Variants in ADAMTSL1 observed in about 807,000 individuals in gnomAD.
The protein encoded by ADAMTSL1 is ADAMTS like 1.
A neutral mutation model predicts 201.8 loss-of-function variants in ADAMTSL1; 126 were observed. The observed-to-expected ratio is 0.62, with a 90% CI of 0.54 to 0.72. The LOEUF is 0.72. ADAMTSL1 is among the 30% of genes least tolerant of loss of function. ADAMTSL1 has a pLI of 0.00. For synonymous variants in ADAMTSL1, 1,121 were observed against 903.4 expected, an observed-to-expected ratio of 1.24 and a Z score of -4.32; for missense variants, 2,679 against 2,277.8, an observed-to-expected ratio of 1.18 and a Z score of -3.59.
chr9:18,027,591 C>G (rs185144590), intron 1 of ADAMTSL1, among the ~76,000 whole-genome samples: 1 of 151,798 alleles, frequency 6.6e-6, no homozygotes, highest in Admixed American at 6.6e-5. Flanking sequence ...CTTGGTATGA[C>G]TTAAATTTTA....
chr9:18,314,744 G>A (rs1277711466), intron 2 of ADAMTSL1, among the ~76,000 whole-genome samples: 5 of 144,908 alleles, frequency 3.5e-5, no homozygotes, highest in Non-Finnish European at 6.0e-5. Flanking sequence ...CGTGGAAGGG[G>A]ACCCCAGTGG....
At chr9:18,266,736 A>T (rs1461794299) in intron 2 of ADAMTSL1, among the ~76,000 whole-genome samples, 1 of 152,042 alleles carries the variant, frequency 6.6e-6, no homozygotes, top group Non-Finnish European at 1.5e-5. Context: ...ATTGGACAAG[A>T]CTCAGTAAAC....
chr9:18,374,923 G>T (rs1027891050), intron 2 of ADAMTSL1, among the ~76,000 whole-genome samples: 1 of 152,216 alleles, frequency 6.6e-6, no homozygotes. Context: ...GCTGACAATG[G>T]TTAATAATAG....
intron 1 of ADAMTSL1, among the ~76,000 whole-genome samples, chr9:18,491,959 A>G (rs1208367427): frequency 6.6e-6 from 1 of 152,208 alleles, no homozygotes; most frequent in Non-Finnish European, 1.5e-5. Context: ...TAAAGAAAAA[A>G]TTGTAGGCTA....
chr9:18,908,550 G>GAT lies in ADAMTSL1; in HGVS notation c.*4_*5dup, dbSNP rs1244518367. The GAT allele has an allele frequency of 8.3e-6, 13 of 1,557,180 alleles. No individual in the cohort carries two copies. Among genetic ancestry groups the GAT allele is most frequent in the Non-Finnish European group, 1.1e-5 (13 of 1,150,208 alleles). ...TGTGGAACTTGTGGCAAAGCGTGAA[G>GAT]ATAGGGTGTGGGGAAAAACTCTACC... On this transcript the variant is annotated 3_prime_UTR_variant, in exon 29 of 29. Transcript: ENST00000380548.
At chr9:18,595,738 A>G (rs1587668771) in intron 4 of ADAMTSL1, among the ~76,000 whole-genome samples, 1 of 152,364 alleles carries the variant, frequency 6.6e-6, no homozygotes, top group Non-Finnish European at 1.5e-5. Flanking sequence ...AGTAGTGTAC[A>G]CAGTTCTTTC....
intron 8 of ADAMTSL1, 35 bp downstream of exon 8, chr9:18,657,785 T>A: frequency 1.3e-6 from 2 of 1,548,936 alleles, no homozygotes; most frequent in East Asian, 4.5e-5. Context: ...AACTGTTGGC[T>A]TCTGTGAGGA....
At chr9:18,389,201 A>C (rs1326211461) in intron 2 of ADAMTSL1, among the ~76,000 whole-genome samples, 1 of 151,018 alleles carries the variant, frequency 6.6e-6, no homozygotes, top group Non-Finnish European at 1.5e-5. Flanking sequence ...TTTTTTTAAG[A>C]AATTGAACAG....
At chr9:18,890,681 T>C (rs1157165908) in intron 25 of ADAMTSL1, 1 of 445,094 alleles carries the variant, frequency 2.2e-6, no homozygotes, top group African/African-American at 2.0e-5. Context: ...TTTTATACCC[T>C]TCCTGAACTG....
chr9:18,222,721 A>T (rs1830311236), intron 2 of ADAMTSL1, among the ~76,000 whole-genome samples: 1 of 149,234 alleles, frequency 6.7e-6, no homozygotes, highest in African/African-American at 2.5e-5. Flanking sequence ...TTCTTGAAAT[A>T]AATAGTTTAG....
chr9:18,888,840 T>A (rs893913440), intron 24 of ADAMTSL1, among the ~76,000 whole-genome samples: 2 of 152,236 alleles, frequency 1.3e-5, no homozygotes, highest in Non-Finnish European at 1.5e-5. Context: ...TCTTCTTAAA[T>A]ATCCTCCTTC....
At chr9:18,138,814 G>C (rs146495403) in intron 1 of ADAMTSL1, among the ~76,000 whole-genome samples, 132 of 152,218 alleles carry the variant, frequency 8.7e-4, no homozygotes, top group African/African-American at 3.1e-3. Flanking sequence ...CTTGTCTCGG[G>C]TGGTTGAAAT....
rs1280543403 is a variant in ADAMTSL1, at chr9:18,622,541, C to G, written c.601+172C>G. ...GTGAATTAGCTTAGGTGGGACAAGT[C>G]AGGTTACCAGCTGCAGTCCCAAAGA... On this transcript the variant is annotated intron_variant, in intron 5 of 28. Coordinates refer to ENST00000380548, the MANE Select transcript of ADAMTSL1 (RefSeq NM_001040272.6). 4.2e-6 allele frequency: 4 copies of G among 963,624 alleles called. No individual in the cohort carries two copies. In the Admixed American group the frequency reaches 1.1e-4, roughly 27 times the overall value. 59.7% of individuals were successfully genotyped at this position (963,624 alleles called of 1,614,324 possible).
chr9:18,416,733 T>C (rs1818692839), intron 2 of ADAMTSL1, among the ~76,000 whole-genome samples: 1 of 151,982 alleles, frequency 6.6e-6, no homozygotes, highest in Non-Finnish European at 1.5e-5. Context: ...AACATAACAA[T>C]TCTACTAATC....
intron 1 of ADAMTSL1, among the ~76,000 whole-genome samples, chr9:18,079,926 G>T (rs1157716102): frequency 6.6e-6 from 1 of 152,118 alleles, no homozygotes; most frequent in Non-Finnish European, 1.5e-5. Flanking sequence ...CTGGTGGATA[G>T]TGAGGAAGTG....
intron 2 of ADAMTSL1, among the ~76,000 whole-genome samples, chr9:18,427,079 T>C (rs1437985251): frequency 1.3e-5 from 2 of 152,232 alleles, no homozygotes; most frequent in African/African-American, 4.8e-5. Context: ...CTTCCATGAT[T>C]ATCATTCCCA....
intron 2 of ADAMTSL1, among the ~76,000 whole-genome samples, chr9:18,414,987 G>C (rs1251372422): frequency 6.6e-6 from 1 of 152,130 alleles, no homozygotes; most frequent in Non-Finnish European, 1.5e-5. Flanking sequence ...CAATCATGGG[G>C]AATAATTAGC....
intron 17 of ADAMTSL1, among the ~76,000 whole-genome samples, chr9:18,771,832 C>G (rs557142769): frequency 4.9e-4 from 73 of 147,872 alleles, no homozygotes; most frequent in African/African-American, 1.6e-3. Flanking sequence ...AAATTAAGAT[C>G]CAGCTCTCTC....
At chr9:18,472,328 C>G (rs183366707), upstream of ADAMTSL1, among the ~76,000 whole-genome samples, 1 of 152,272 alleles carries the variant, frequency 6.6e-6, no homozygotes, top group East Asian at 1.9e-4. Context: ...TGTGAATACG[C>G]TTTAGCTTAT....
Sources: gnomAD v4.1 joint callset for allele counts (sites outside exome capture counted in the v4.1 genomes callset) on GRCh38, gnomAD v4.1.1 for gene constraint, MANE v1.5 for transcripts, NCBI Gene and HGNC (gene_info 2026-07-23, HGNC 2026-07-21) for gene names.